The following TMEM267 variants were observed in gnomAD, a reference collection of about 807,000 sequenced individuals.
The protein encoded by TMEM267 is transmembrane protein C5orf28.
In TMEM267, 20 loss-of-function variants were observed where a neutral mutation model predicts 19.3. The observed-to-expected ratio is 1.04, with a 90% CI of 0.73 to 1.51. The LOEUF (loss-of-function observed/expected upper bound fraction) is 1.51. Ranked by LOEUF, TMEM267 falls within the 40% of genes most tolerant of loss-of-function variation. The pLI is 0.00. For missense variants in TMEM267, 242 were observed against 261.9 expected (o/e 0.92, Z 0.52); for synonymous variants, 88 against 90.3 (o/e 0.97, Z 0.15).
At chr5:43,482,207 A>C (rs1245140976) in intron 1 of TMEM267, among the ~76,000 whole-genome samples, 1 of 152,202 alleles carries the variant, frequency 6.6e-6, no homozygotes, top group East Asian at 1.9e-4. Context: ...GATACGTAGA[A>C]GAGAACTATT....
At chr5:43,467,102 CTG>C (rs2112138826) in intron 1 of TMEM267, among the ~76,000 whole-genome samples, 1 of 136,806 alleles carries the variant, frequency 7.3e-6, no homozygotes, top group Admixed American at 8.0e-5. Flanking sequence ...TGAGCTGAGA[CTG>C]TGCCATTGCA....
chr5:43,464,928 A>G (rs1044438190), intron 1 of TMEM267, among the ~76,000 whole-genome samples: 1 of 152,232 alleles, frequency 6.6e-6, no homozygotes, highest in African/African-American at 2.4e-5. Flanking sequence ...ACCAAAAGCA[A>G]TGGCAACCAA....
intron 1 of TMEM267, among the ~76,000 whole-genome samples, chr5:43,481,167 C>T (rs540775529): frequency 3.7e-4 from 54 of 145,972 alleles, no homozygotes; most frequent in Non-Finnish European, 6.7e-4. Flanking sequence ...TGTAGTGGCA[C>T]GATCATAGCT....
intron 1 of TMEM267, among the ~76,000 whole-genome samples, chr5:43,461,118 CAG>C (rs921731714): frequency 6.6e-6 from 1 of 152,172 alleles, no homozygotes; most frequent in African/African-American, 2.4e-5. Context: ...GGACACTGGT[CAG>C]AGTCATGAGG....
chr5:43,475,837 A>G (rs535985934), intron 1 of TMEM267, among the ~76,000 whole-genome samples: 13 of 152,326 alleles, frequency 8.5e-5, no homozygotes, highest in African/African-American at 2.9e-4. Context: ...TCAAAATGCC[A>G]AGAATTAAAA....
intron 1 of TMEM267, among the ~76,000 whole-genome samples, chr5:43,468,611 T>C (rs760746203): frequency 2.6e-5 from 4 of 152,216 alleles, no homozygotes; most frequent in Non-Finnish European, 4.4e-5. Context: ...TCATCAGGAC[T>C]TCCTGAGGCT....
chr5:43,474,029 T>A (rs1579826609), intron 1 of TMEM267, among the ~76,000 whole-genome samples: 2 of 152,230 alleles, frequency 1.3e-5, no homozygotes, highest in East Asian at 3.8e-4. Flanking sequence ...AATTCCTAGT[T>A]AATAAATGGT....
rs369316451 is a variant in TMEM267, at chr5:43,474,549, C to T, written c.-75+9273G>A. On this transcript the variant is annotated intron_variant, in intron 1 of 2. Coordinates refer to ENST00000397080, the MANE Select transcript of TMEM267 (RefSeq NM_022483.5). ...CTGAGGCAGGTGGATCACCTGAGGT[C>T]GGGAGTTCGAGACCAGCCTGACCAA... Among the ~76,000 whole-genome samples, 55 of 152,174 alleles carry T rather than the reference C, an allele frequency of 3.6e-4. 1 individual carries two copies. The South Asian group carries it at 0.01, about 29-fold the overall frequency.
chr5:43,470,110 G>C (rs182496523), intron 1 of TMEM267, among the ~76,000 whole-genome samples: 1 of 152,152 alleles, frequency 6.6e-6, no homozygotes, highest in East Asian at 1.9e-4. Flanking sequence ...GAGTTGTCCC[G>C]CCTTTCCAGA....
chr5:43,463,070 G>GA (rs1579806347), intron 1 of TMEM267, among the ~76,000 whole-genome samples: 2 of 150,620 alleles, frequency 1.3e-5, no homozygotes, highest in South Asian at 2.1e-4. Flanking sequence ...AAAGAGAGAA[G>GA]AATCAAATAG....
At chr5:43,463,607 T>A (rs1193067602) in intron 1 of TMEM267, among the ~76,000 whole-genome samples, 1 of 152,180 alleles carries the variant, frequency 6.6e-6, no homozygotes, top group Non-Finnish European at 1.5e-5. Flanking sequence ...CAGCCCACCA[T>A]GATCAAGTGG....
rs541429823 is a variant in TMEM267, at chr5:43,470,115, T to G, written c.-75+13707A>C. The stretch of plus-strand genomic sequence containing the variant: ...TCTTCCCTTTGAGTTGTCCCGCCTT[T>G]CCAGAAGGAATCAACATACATCTTT... On this transcript the variant is annotated intron_variant, in intron 1 of 2. Transcript: ENST00000397080. 9.2e-5 allele frequency among the ~76,000 whole-genome samples: 14 copies of G among 152,292 alleles called. 2 individuals carry two copies. The South Asian group carries it at 2.1e-3, about 23-fold the overall frequency.
At chr5:43,483,395 C>A (rs1452827080) in intron 1 of TMEM267, among the ~76,000 whole-genome samples, 1 of 152,178 alleles carries the variant, frequency 6.6e-6, no homozygotes, top group East Asian at 1.9e-4. Flanking sequence ...GTCACACTCT[C>A]AGCATTCAAG....
chr5:43,469,127 G>T (rs991684417), intron 1 of TMEM267, among the ~76,000 whole-genome samples: 1 of 152,074 alleles, frequency 6.6e-6, no homozygotes, highest in East Asian at 1.9e-4. Context: ...GAGGAACTTC[G>T]TATGAACAAT....
chr5:43,446,464 T>C lies in TMEM267; in HGVS notation c.406A>G (p.Lys136Glu), dbSNP rs1742245436. The change falls in exon 3 of 3, where the codon AAG (lysine) becomes GAG (glutamate). Residue 136 changes from lysine to glutamate, a missense_variant. By Grantham distance (56) the Lys-to-Glu change is moderately conservative (BLOSUM62 1). Transcript: ENST00000397080. ...AGAAAGCACCATGAGTCTTTGAGCT[T>C]GAAAAGGTGCATAGTAAATTTCAGG... The part of the protein sequence containing the change: ...LTLKFTMHLF[K>E]LKDSWCFLPW... 1 of 1,613,728 alleles carries C rather than the reference T, an allele frequency of 6.2e-7. No individual in the cohort carries two copies. The highest frequency in any genetic ancestry group is 8.5e-7 in the Non-Finnish European group (1 of 1,179,768).
intron 1 of TMEM267, chr5:43,479,880 C>A (rs2112220189): frequency 2.3e-6 from 1 of 442,100 alleles, no homozygotes; most frequent in Non-Finnish European, 4.5e-6. Context: ...ACAAAAAATG[C>A]AAAACATACC....
upstream of TMEM267, chr5:43,484,004 G>C (rs994976207): frequency 1.3e-5 from 2 of 152,242 alleles, no homozygotes; most frequent in Non-Finnish European, 2.9e-5. Context: ...TTGGTGCGGT[G>C]GGTAGATACC....
At chr5:43,451,633 C>T (rs1158375160) in intron 2 of TMEM267, among the ~76,000 whole-genome samples, 2 of 152,168 alleles carry the variant, frequency 1.3e-5, no homozygotes, top group African/African-American at 4.8e-5. Flanking sequence ...AAAGGGAACA[C>T]TTATACATTG....
Position 43,445,359 on chromosome 5 carries a change from C to G in TMEM267, c.*863G>C, listed in dbSNP as rs1198367901. On this transcript the variant is annotated 3_prime_UTR_variant, in exon 3 of 3. Coordinates refer to ENST00000397080, the MANE Select transcript of TMEM267 (RefSeq NM_022483.5). ...ACTAAAATAATTTTAATGGTACATT[C>G]AGGAATTTACATTTGAAATGACATT... is the stretch of plus-strand genomic sequence containing the variant. 3.9e-5 allele frequency: 6 copies of G among 152,016 alleles called. No homozygotes were observed. The highest frequency in any genetic ancestry group is 1.3e-4 in the Admixed American group (2 of 15,268). 9.4% of individuals were successfully genotyped at this position (152,016 alleles called of 1,614,324 possible). A position where few individuals can be genotyped will look rare whatever the true frequency, so the allele number is the denominator to read the frequency against.
Sources: allele counts gnomAD v4.1 joint callset (sites outside exome capture counted in the v4.1 genomes callset), GRCh38; gene constraint gnomAD v4.1.1; transcripts MANE v1.5; gene names NCBI Gene and HGNC (gene_info 2026-07-23, HGNC 2026-07-21).